Variants in EIF4E3 observed in about 807,000 individuals in gnomAD.
EIF4E3 encodes the protein eukaryotic translation initiation factor 4E family member 3, also known as eukaryotic translation initiation factor 4E type 3.
In EIF4E3, 26 loss-of-function variants were observed where a neutral mutation model predicts 31.7. The ratio of observed to expected loss-of-function variants is 0.82; its 90% CI spans 0.60 to 1.14. The LOEUF is 1.14. Ranked by LOEUF, EIF4E3 falls within the 50% of genes most tolerant of loss-of-function variation. EIF4E3 has a pLI of 0.00. For missense variants in EIF4E3, 304 were observed against 270.9 expected, an observed-to-expected ratio of 1.12 and a Z score of -0.86; for synonymous variants, 128 against 107.7, an observed-to-expected ratio of 1.19 and a Z score of -1.17.
the EIF4E3 span, among the ~76,000 whole-genome samples, chr3:71,669,782 CAT>C: frequency 6.6e-6 from 1 of 151,972 alleles, no homozygotes; most frequent in Admixed American, 6.6e-5. Flanking sequence ...GGCAGAGAGA[CAT>C]AGATTATTTA....
At chr3:71,665,373 C>A in the EIF4E3 span, among the ~76,000 whole-genome samples, 4 of 152,222 alleles carry the variant, frequency 2.6e-5, no homozygotes, top group African/African-American at 9.6e-5. Flanking sequence ...AATGTTAACA[C>A]TGACAGGTTG....
At chr3:71,697,439 A>G (rs1028835028) in intron 3 of EIF4E3, among the ~76,000 whole-genome samples, 1 of 151,808 alleles carries the variant, frequency 6.6e-6, no homozygotes, top group Non-Finnish European at 1.5e-5. Context: ...TTCCAATTCT[A>G]CTCTTTTAGT....
chr3:71,732,969 CA>C (rs1379044035), intron 1 of EIF4E3, among the ~76,000 whole-genome samples: 1 of 152,020 alleles, frequency 6.6e-6, no homozygotes, highest in Non-Finnish European at 1.5e-5. Context: ...ACATAAAAGT[CA>C]AAAAAAGGTC....
chr3:71,748,165 T>G (rs2049892035), intron 1 of EIF4E3, among the ~76,000 whole-genome samples: 1 of 151,968 alleles, frequency 6.6e-6, no homozygotes, highest in South Asian at 2.1e-4. Context: ...AGTTGACTCT[T>G]GAACAACATG....
At chr3:71,720,605 C>A (rs938197479) in intron 1 of EIF4E3, among the ~76,000 whole-genome samples, 1 of 152,130 alleles carries the variant, frequency 6.6e-6, no homozygotes, top group Non-Finnish European at 1.5e-5. Context: ...CACACAACTT[C>A]ATAAAAGAGG....
At chr3:71,740,692 C>A (rs950910292) in intron 1 of EIF4E3, among the ~76,000 whole-genome samples, 1 of 152,102 alleles carries the variant, frequency 6.6e-6, no homozygotes, top group African/African-American at 2.4e-5. Flanking sequence ...GAGATCGTGC[C>A]ACTGCACTCC....
intron 1 of EIF4E3, among the ~76,000 whole-genome samples, chr3:71,714,297 GGAAGGAAC>G (rs201897385): frequency 0.021 from 1,992 of 94,242 alleles, 21 homozygotes; most frequent in African/African-American, 0.059. Flanking sequence ...AAGGAAGGAA[GGAAGGAAC>G]GAAAGAAAGG....
intron 3 of EIF4E3, among the ~76,000 whole-genome samples, chr3:71,699,176 G>A (rs558043047): frequency 2.0e-5 from 3 of 152,216 alleles, no homozygotes; most frequent in African/African-American, 4.8e-5. Flanking sequence ...GTGGTGAGCC[G>A]TGATGGTGCC....
chr3:71,665,317 T>A, the EIF4E3 span, among the ~76,000 whole-genome samples: 1 of 152,244 alleles, frequency 6.6e-6, no homozygotes, highest in African/African-American at 2.4e-5. Flanking sequence ...GTGAGCCAGA[T>A]GGCAGCCCAC....
At chr3:71,672,721 T>A (rs1158718596), downstream of EIF4E3, among the ~76,000 whole-genome samples, 2 of 152,168 alleles carry the variant, frequency 1.3e-5, no homozygotes, top group Non-Finnish European at 2.9e-5. Context: ...GAAACAGCAG[T>A]GGTGCCGAAT....
chr3:71,721,477 C>A (rs983329030), intron 1 of EIF4E3, among the ~76,000 whole-genome samples: 1 of 152,136 alleles, frequency 6.6e-6, no homozygotes, highest in African/African-American at 2.4e-5. Flanking sequence ...TGTGTCTCCA[C>A]CCAAAATCTC....
chr3:71,699,784 G>A (rs2049189645), intron 2 of EIF4E3, 76 bp from the exon 3 acceptor site: 1 of 1,238,290 alleles, frequency 8.1e-7, no homozygotes, highest in Non-Finnish European at 1.1e-6. Context: ...TCAAATTAAT[G>A]CATTAAAGAA....
At chr3:71,694,783 G>T (rs888459188) in intron 4 of EIF4E3, among the ~76,000 whole-genome samples, 2 of 152,158 alleles carry the variant, frequency 1.3e-5, no homozygotes, top group Non-Finnish European at 2.9e-5. Flanking sequence ...TTCTTTAGGT[G>T]AACAAGGAAA....
intron 1 of EIF4E3, among the ~76,000 whole-genome samples, chr3:71,718,794 C>T (rs777628355): frequency 7.9e-5 from 12 of 152,224 alleles, no homozygotes; most frequent in Non-Finnish European, 1.5e-4. Context: ...GCTGGAAGTA[C>T]TCTATGTCAG....
chr3:71,725,110 C>A lies in EIF4E3; in HGVS notation c.176+82G>T. On this transcript the variant is annotated intron_variant, in intron 1 of 6. Coordinates refer to ENST00000425534, the MANE Select transcript of EIF4E3 (RefSeq NM_001134651.2). The surrounding 1 kb of genome is among the most constrained non-coding windows in gnomAD (Gnocchi z 6.1). ...GTGCCACAGCGGAGCGGGGCCGGGG[C>A]GAGGGGCCGCGCCGAGACAAAGCGG... 2.1e-6 allele frequency: 2 copies of A among 951,606 alleles called. No individual in the cohort carries two copies. The highest frequency in any genetic ancestry group is 1.0e-4 in the East Asian group (1 of 9,954). The allele number at this position is 951,606 out of a possible 1,614,324, so 58.9% of individuals were successfully genotyped here.
chr3:71,748,616 C>T (rs2049896730), intron 1 of EIF4E3, among the ~76,000 whole-genome samples: 1 of 152,088 alleles, frequency 6.6e-6, no homozygotes, highest in Admixed American at 6.5e-5. Context: ...ACAAGTCTGG[C>T]ACAAGGCAGC....
chr3:71,660,939 G>A, the EIF4E3 span, among the ~76,000 whole-genome samples: 1 of 151,950 alleles, frequency 6.6e-6, no homozygotes, highest in Non-Finnish European at 1.5e-5. Flanking sequence ...ACCCCCTCAT[G>A]CTTGCACTTC....
In EIF4E3 at chr3:71,677,830, A is replaced by AG. The variant is rs2107990433; in HGVS notation, c.*6851dup. 6.6e-6 allele frequency: 1 copy of AG among 152,352 alleles called. No homozygotes were observed. Among genetic ancestry groups the AG allele is most frequent in the South Asian group, 2.1e-4 (1 of 4,832 alleles). 9.4% of individuals were successfully genotyped at this position (152,352 alleles called of 1,614,324 possible). A position where few individuals can be genotyped will look rare whatever the true frequency, so the allele number is the denominator to read the frequency against. On this transcript the variant is annotated 3_prime_UTR_variant, in exon 7 of 7. Transcript: ENST00000425534. ...GTAAATTCACTTTACTTGCCGAAAC[A>AG]GGGGACAACTGAATCTCACCAGCAA...
intron 5 of EIF4E3, among the ~76,000 whole-genome samples, chr3:71,690,368 A>G (rs1477187991): frequency 6.6e-6 from 1 of 152,228 alleles, no homozygotes; most frequent in Non-Finnish European, 1.5e-5. Flanking sequence ...TAGCAGTCAC[A>G]TCACATTTAT....
Sources: allele counts gnomAD v4.1 joint callset (sites outside exome capture counted in the v4.1 genomes callset), GRCh38; gene constraint gnomAD v4.1.1; non-coding constraint Gnocchi (gnomAD v3.1); transcripts MANE v1.5; gene names NCBI Gene and HGNC (gene_info 2026-07-23, HGNC 2026-07-21).